The following DNAJC13 variants were observed in gnomAD, a reference collection of about 807,000 sequenced individuals.
DNAJC13 encodes dnaJ homolog subfamily C member 13.
A neutral mutation model predicts 290.5 loss-of-function variants in DNAJC13; 75 were observed. The ratio of observed to expected loss-of-function variants is 0.26; its 90% CI spans 0.21 to 0.31. DNAJC13 has a LOEUF of 0.31. Ranked by LOEUF, DNAJC13 falls within the 10% of genes least tolerant of loss-of-function variation. DNAJC13 has a pLI of 1.00. For missense variants in DNAJC13, 2,260 were observed against 2,674.5 expected, an observed-to-expected ratio of 0.85 and a Z score of 3.42; for synonymous variants, 862 against 892.0, an observed-to-expected ratio of 0.97 and a Z score of 0.60.
intron 43 of DNAJC13, among the ~76,000 whole-genome samples, chr3:132,510,113 C>A (rs939397970): frequency 2.0e-5 from 3 of 152,218 alleles, no homozygotes; most frequent in African/African-American, 7.2e-5. Context: ...TGCTATCCCA[C>A]TGGGCCATGT....
intron 22 of DNAJC13, among the ~76,000 whole-genome samples, chr3:132,477,333 T>C (rs1934506325): frequency 6.6e-6 from 1 of 152,362 alleles, no homozygotes; most frequent in South Asian, 2.1e-4. Flanking sequence ...CTCAATGTAG[T>C]AACATGGGGT....
At chr3:132,488,526 G>T in intron 30 of DNAJC13, 74 bp downstream of exon 30, 1 of 1,356,152 alleles carries the variant, frequency 7.4e-7, no homozygotes, top group South Asian at 1.6e-5. Context: ...TGAATTATTT[G>T]TGAGTACCTT....
rs1173774536 is a variant in DNAJC13, at chr3:132,473,022, A to G, written c.2209-123A>G. ...TTTATAGATTTTATTTATTCCGTTA[A>G]TTTTTGTTTCTGTCAAAATTTGATG... On this transcript the variant is annotated intron_variant, in intron 20 of 55. Coordinates refer to ENST00000260818, the MANE Select transcript of DNAJC13 (RefSeq NM_015268.4). 4.5e-6 allele frequency: 3 copies of G among 665,842 alleles called. No individual in the cohort carries two copies. The East Asian group carries it at 8.6e-5, about 19-fold the overall frequency. The allele number at this position is 665,842 out of a possible 1,614,324, so 41.2% of individuals were successfully genotyped here.
At chr3:132,530,857 G>T in intron 54 of DNAJC13, 141 bp from the exon 55 acceptor site, 2 of 649,040 alleles carry the variant, frequency 3.1e-6, no homozygotes, top group Admixed American at 5.1e-5. Context: ...TGGAGTGTTT[G>T]ATGAATGCTA....
chr3:132,427,351 G>C (rs968691520), intron 1 of DNAJC13, among the ~76,000 whole-genome samples: 1 of 151,890 alleles, frequency 6.6e-6, no homozygotes, highest in Non-Finnish European at 1.5e-5. Context: ...TGCCTGGGCT[G>C]GTCTTGAACT....
chr3:132,492,720 A>G (rs184419404), intron 33 of DNAJC13, 105 bp downstream of exon 33: 2 of 965,756 alleles, frequency 2.1e-6, no homozygotes, highest in Admixed American at 2.2e-5. Flanking sequence ...AGCTTTCTTA[A>G]GTATTCCTTC....
chr3:132,532,680 C>T (rs1218788419), intron 55 of DNAJC13, among the ~76,000 whole-genome samples: 2 of 151,650 alleles, frequency 1.3e-5, no homozygotes, highest in South Asian at 2.1e-4. Flanking sequence ...CATGGCATTA[C>T]ATTCATTACT....
intron 21 of DNAJC13, 39 bp downstream of exon 21, chr3:132,473,266 A>C: frequency 7.0e-7 from 1 of 1,418,552 alleles, no homozygotes; most frequent in Non-Finnish European, 9.8e-7. Flanking sequence ...GATTAAATTT[A>C]GTATTGCCAT....
In DNAJC13 at chr3:132,525,714, C is replaced by A; in HGVS notation, c.6165C>A (p.Ile2055=). The A allele has an allele frequency of 6.2e-7, 1 of 1,614,218 alleles. No homozygotes were observed. The highest frequency in any genetic ancestry group is 8.5e-7 in the Non-Finnish European group (1 of 1,180,026). ...CATTGGGCCATCTTCCCAAAGTTATCCAGGCAATGAATCATAGGAACAATG... is the reference window on the plus strand; with the variant it reads ...CATTGGGCCATCTTCCCAAAGTTATACAGGCAATGAATCATAGGAACAATG... ...VPPLGHLPKV[I]QAMNHRNNAI... Residue 2055 remains isoleucine, a synonymous_variant, in exon 52 of 56, where the codon ATC becomes ATA. Coordinates refer to ENST00000260818, the MANE Select transcript of DNAJC13 (RefSeq NM_015268.4).
At chr3:132,475,834 T>G (rs1445500662) in intron 22 of DNAJC13, among the ~76,000 whole-genome samples, 2 of 152,228 alleles carry the variant, frequency 1.3e-5, no homozygotes, top group Non-Finnish European at 2.9e-5. Flanking sequence ...CCACTAAATG[T>G]TGGCTGGCTC....
At chr3:132,491,896 A>G (rs1384954840) in intron 32 of DNAJC13, among the ~76,000 whole-genome samples, 1 of 152,190 alleles carries the variant, frequency 6.6e-6, no homozygotes, top group Non-Finnish European at 1.5e-5. Context: ...GAAAAAATAT[A>G]TAAGAATATT....
intron 54 of DNAJC13, 93 bp from the exon 55 acceptor site, chr3:132,530,902 CCTT>C: frequency 9.7e-7 from 1 of 1,033,192 alleles, no homozygotes. Context: ...TCCTCACTGG[CCTT>C]CTTCCTTGTT....
At chr3:132,483,647 G>A in intron 28 of DNAJC13, 70 bp downstream of exon 28, 1 of 1,482,874 alleles carries the variant, frequency 6.7e-7, no homozygotes, top group Admixed American at 1.7e-5. Context: ...AATCGGTCTG[G>A]TGTTTTAAAA....
intron 20 of DNAJC13, among the ~76,000 whole-genome samples, chr3:132,468,716 C>T (rs1934084996): frequency 6.6e-6 from 1 of 152,024 alleles, no homozygotes; most frequent in Non-Finnish European, 1.5e-5. Context: ...ATAGTAAAGG[C>T]ACTATATACA....
intron 6 of DNAJC13, among the ~76,000 whole-genome samples, chr3:132,452,721 A>T (rs1456758271): frequency 3.3e-5 from 5 of 152,198 alleles, no homozygotes; most frequent in African/African-American, 1.2e-4. Flanking sequence ...AATATTCCAA[A>T]TGCTGAAAAA....
intron 1 of DNAJC13, among the ~76,000 whole-genome samples, chr3:132,428,345 A>G (rs1455915356): frequency 6.6e-6 from 1 of 152,230 alleles, no homozygotes; most frequent in Non-Finnish European, 1.5e-5. Flanking sequence ...TTATCAAACA[A>G]TAGTTAAGAT....
rs775894224 is a variant in DNAJC13 at position 132,475,076 on chromosome 3, T to C, written c.2436T>C (p.His812=). The change falls in exon 22 of 56, where the codon CAT becomes CAC. Residue 812 remains histidine, a synonymous_variant. Coordinates refer to ENST00000260818, the MANE Select transcript of DNAJC13 (RefSeq NM_015268.4). The part of the protein sequence containing the change: ...GSANVISWNH[H]EFEVKYECLA... ...CAAATGTGATCTCCTGGAACCACCA[T>C]GAGTTTGAGGTAAAGTTTGATTTTT... The C allele has an allele frequency of 6.3e-7, 1 of 1,596,386 alleles. No individual in the cohort carries two copies. The highest frequency in any genetic ancestry group is 1.3e-5 in the African/African-American group (1 of 74,182).
At chr3:132,447,050 G>A (rs950007415) in intron 3 of DNAJC13, among the ~76,000 whole-genome samples, 1 of 151,988 alleles carries the variant, frequency 6.6e-6, no homozygotes, top group East Asian at 1.9e-4. Context: ...TTTTTAAGTA[G>A]TCATAAAATT....
chr3:132,458,559 C>A (rs1160235194), intron 13 of DNAJC13, among the ~76,000 whole-genome samples: 1 of 152,054 alleles, frequency 6.6e-6, no homozygotes, highest in Non-Finnish European at 1.5e-5. Flanking sequence ...AAGACTGTTG[C>A]AACAAAAGAT....
Sources: gnomAD v4.1 joint callset for allele counts (sites outside exome capture counted in the v4.1 genomes callset) on GRCh38, gnomAD v4.1.1 for gene constraint, MANE v1.5 for transcripts, NCBI Gene and HGNC (gene_info 2026-07-23, HGNC 2026-07-21) for gene names.